Variants in CPT2 observed in about 807,000 individuals in gnomAD.
CPT2 encodes carnitine palmitoyltransferase 2, also known as carnitine O-palmitoyltransferase 2, mitochondrial.
A neutral mutation model predicts 48.6 loss-of-function variants in CPT2; 37 were observed. That is an observed-to-expected ratio of 0.76 (90% CI 0.59 to 1.00). The LOEUF (loss-of-function observed/expected upper bound fraction) is 1.00, where lower values mean the gene tolerates loss of function less well. Ranked by LOEUF, CPT2 falls within the 50% of genes least tolerant of loss-of-function variation. The probability of loss-of-function intolerance (pLI) is 0.00; values close to 1 mark genes in which losing one functional copy is unlikely to be tolerated. For missense variants in CPT2, 772 were observed against 825.6 expected (o/e 0.94, Z 0.80); for synonymous variants, 319 against 326.9 (o/e 0.98, Z 0.26).
chr1:53,197,261 C>T, intron 1 of CPT2, 166 bp downstream of exon 1: 1 of 843,046 alleles, frequency 1.2e-6, no homozygotes, highest in Non-Finnish European at 1.9e-6. Context: ...TTTTCACAAT[C>T]TCCTAGCACA....
chr1:53,211,480 C>A, intron 4 of CPT2, 161 bp downstream of exon 4: 1 of 661,210 alleles, frequency 1.5e-6, no homozygotes, highest in Non-Finnish European at 2.7e-6. Flanking sequence ...GTCTGAACAG[C>A]CACACTAGCC....
chr1:53,210,125 C>A lies in CPT2; in HGVS notation c.451C>A (p.Arg151=), dbSNP rs200080591. Residue 151 remains arginine (R), a synonymous_variant, in exon 4 of 5, where the codon CGG becomes AGG. Coordinates refer to ENST00000371486, the MANE Select transcript of CPT2 (RefSeq NM_000098.3). The part of the protein sequence containing the change: ...PKSEYNDQLT[R]ATNMTVSAIR... ...ATCTGAGTATAATGACCAGCTCACC[C>A]GGGCAACCAACATGACTGTTTCTGC... 1.5e-5 allele frequency: 25 copies of A among 1,614,014 alleles called. No homozygotes were observed. Among genetic ancestry groups the A allele is most frequent in the Non-Finnish European group, 2.0e-5 (24 of 1,180,034 alleles).
chr1:53,203,282 G>A (rs59327204), intron 3 of CPT2: 7,410 of 152,182 alleles, frequency 0.049, 511 homozygotes, highest in African/African-American at 0.15. Context: ...CACATATGTG[G>A]GATGTGTATA....
intron 1 of CPT2, 27 bp downstream of exon 1, chr1:53,197,122 G>A (rs1317436258): frequency 1.3e-6 from 2 of 1,536,176 alleles, no homozygotes; most frequent in Non-Finnish European, 1.7e-6. Context: ...GGTCCCCGCC[G>A]CCCGCCGCCG....
chr1:53,212,958 CTT>C (rs1645439174), intron 4 of CPT2: 1 of 588,910 alleles, frequency 1.7e-6, no homozygotes, highest in Non-Finnish European at 3.0e-6. Context: ...CCTGTACTGT[CTT>C]GACTCTTTGA....
chr1:53,211,343 C>T, intron 4 of CPT2, 24 bp downstream of exon 4: 1 of 1,568,774 alleles, frequency 6.4e-7, no homozygotes. Context: ...GGGGAGCATG[C>T]CCTTGGGTCT....
At chr1:53,201,202 A>G (rs999055332) in intron 2 of CPT2, 2 of 261,292 alleles carry the variant, frequency 7.7e-6, no homozygotes, top group African/African-American at 2.2e-5. Flanking sequence ...TCCAAAATTT[A>G]TGCCCTTTTT....
chr1:53,211,600 C>CTTTTT (rs112026378), intron 4 of CPT2: 3 of 374,830 alleles, frequency 8.0e-6, no homozygotes, highest in Non-Finnish European at 1.4e-5. Flanking sequence ...TTTTTTCTTT[C>CTTTTT]TTTTTTTTTT....
intron 3 of CPT2, among the ~76,000 whole-genome samples, chr1:53,206,656 C>A (rs1448164041): frequency 6.6e-6 from 1 of 152,174 alleles, no homozygotes; most frequent in Non-Finnish European, 1.5e-5. Flanking sequence ...GGCCTGTAGC[C>A]CCTCTGTTTT....
rs193048511 is a variant in CPT2 at position 53,202,816 on chromosome 1, C to T, written c.340+387C>T. The T allele has an allele frequency of 6.6e-4, 180 of 273,362 alleles. No individual in the cohort carries two copies. In the Middle Eastern group the frequency reaches 9.4e-3, roughly 14 times the overall value. 16.9% of individuals were successfully genotyped at this position (273,362 alleles called of 1,614,324 possible). ...CTGACATACTTCCTGCTAAACTCCT[C>T]ATTGCTCCCTGAACCCTTAGTCTTT... On this transcript the variant is annotated intron_variant, in intron 3 of 4. Coordinates refer to ENST00000371486, the MANE Select transcript of CPT2 (RefSeq NM_000098.3).
In CPT2 at chr1:53,210,775, C is replaced by T. The variant is rs1645420125; in HGVS notation, c.1101C>T (p.Ala367=). 3 of 1,614,024 alleles carry T rather than the reference C, an allele frequency of 1.9e-6. No homozygotes were observed. Among genetic ancestry groups the T allele is most frequent in the Admixed American group, 1.7e-5 (1 of 59,990 alleles). The part of the protein sequence containing the change: ...NLIIAKDGST[A]VHFEHSWGDG... ...TTATCGCCAAGGATGGCTCTACTGCCGTCCACTTTGAGCACTCTTGGGGTG... is the reference window on the plus strand; with the variant it reads ...TTATCGCCAAGGATGGCTCTACTGCTGTCCACTTTGAGCACTCTTGGGGTG... Residue 367 remains alanine (A), a synonymous_variant, in exon 4 of 5, where the codon GCC becomes GCT. Coordinates refer to ENST00000371486, the MANE Select transcript of CPT2 (RefSeq NM_000098.3).
chr1:53,202,811 C>T (rs1645362657), intron 3 of CPT2: 1 of 275,034 alleles, frequency 3.6e-6, no homozygotes, highest in South Asian at 4.2e-5. Flanking sequence ...TCCTGCTAAA[C>T]TCCTCATTGC....
Position 53,196,902 on chromosome 1 carries a change from TC to T in CPT2, c.-38del, listed in dbSNP as rs1210213143. 2 of 1,533,438 alleles carry T rather than the reference TC, an allele frequency of 1.3e-6. No homozygotes were observed. Among genetic ancestry groups the T allele is most frequent in the Non-Finnish European group, 1.7e-6 (2 of 1,147,684 alleles). The allele number at this position is 1,533,438 out of a possible 1,614,324, so 95.0% of individuals were successfully genotyped here. A position where few individuals can be genotyped will look rare whatever the true frequency, so the allele number is the denominator to read the frequency against. On this transcript the variant is annotated 5_prime_UTR_variant, in exon 1 of 5. Coordinates refer to ENST00000371486, the MANE Select transcript of CPT2 (RefSeq NM_000098.3). The stretch of plus-strand genomic sequence containing the variant: ...CGGCCTTGTGTTTAGACTCCAGAAC[TC>T]CCCACTTGCCGCGTTCTCGCCGCCG...
Position 53,210,619 on chromosome 1 carries a change from G to A in CPT2, c.945G>A (p.Leu315=). Residue 315 remains leucine, a synonymous_variant, in exon 4 of 5, where the codon CTG becomes CTA. Coordinates refer to ENST00000371486, the MANE Select transcript of CPT2 (RefSeq NM_000098.3). ...TGAGTAGTGGCAATGAGGAGAGCCT[G>A]AGGAAAGTGGACTCGGCAGTGTTCT... ...KLMSSGNEES[L]RKVDSAVFCL... 6.2e-7 allele frequency: 1 copy of A among 1,614,154 alleles called. No homozygotes were observed. The highest frequency in any genetic ancestry group is 1.1e-5 in the South Asian group (1 of 91,064).
At chr1:53,212,479 C>T (rs1003667978) in intron 4 of CPT2, among the ~76,000 whole-genome samples, 1 of 152,212 alleles carries the variant, frequency 6.6e-6, no homozygotes, top group African/African-American at 2.4e-5. Context: ...GGATTATAGG[C>T]ATGCACCACT....
intron 3 of CPT2, chr1:53,203,014 G>C (rs1425044963): frequency 6.3e-6 from 1 of 157,564 alleles, no homozygotes; most frequent in Non-Finnish European, 1.4e-5. Flanking sequence ...TTTTAATTTA[G>C]TTTATATATT....
intron 3 of CPT2, 138 bp downstream of exon 3, chr1:53,202,567 T>C (rs1645360558): frequency 1.4e-6 from 1 of 737,194 alleles, no homozygotes; most frequent in South Asian, 1.5e-5. Flanking sequence ...CCTCCCTTCC[T>C]GAGGTAAATT....
chr1:53,210,565 C>T lies in CPT2; in HGVS notation c.891C>T (p.Asp297=), dbSNP rs752222424. 1.2e-6 allele frequency: 2 copies of T among 1,614,180 alleles called. No individual in the cohort carries two copies. Among genetic ancestry groups the T allele is most frequent in the South Asian group, 2.2e-5 (2 of 91,078 alleles). Residue 297 remains aspartate (D), a synonymous_variant, in exon 4 of 5, where the codon GAC becomes GAT. Transcript: ENST00000371486. ...PLAYLTSENR[D]IWAELRQKLM... The stretch of plus-strand genomic sequence containing the variant: ...CATACCTGACCAGTGAGAACCGAGA[C>T]ATCTGGGCAGAGCTCAGGCAGAAGC...
intron 3 of CPT2, among the ~76,000 whole-genome samples, chr1:53,205,602 C>CAAGACA (rs1158349762): frequency 2.6e-5 from 4 of 152,178 alleles, no homozygotes; most frequent in African/African-American, 9.6e-5. Flanking sequence ...TGTTAATAGC[C>CAAGACA]AAGACAATGG....
Sources: allele counts gnomAD v4.1 joint callset (sites outside exome capture counted in the v4.1 genomes callset), GRCh38; gene constraint gnomAD v4.1.1; transcripts MANE v1.5; gene names NCBI Gene and HGNC (gene_info 2026-07-23, HGNC 2026-07-21).